Variants in BTD observed in about 807,000 individuals in gnomAD.
The protein encoded by BTD is biotinidase.
In BTD, 13 loss-of-function variants were observed where a neutral mutation model predicts 17.7. That is an observed-to-expected ratio of 0.74 (90% CI 0.48 to 1.17). BTD has a LOEUF of 1.17. Among genes scored for constraint, BTD ranks in the 50% most tolerant of loss-of-function variants. The pLI, the probability that BTD is intolerant of heterozygous loss-of-function variation, is 0.00. For synonymous variants in BTD, 240 were observed against 245.2 expected (o/e 0.98, Z 0.20); for missense variants, 674 against 650.4 (o/e 1.04, Z -0.39).
At chr3:15,603,351 C>A (rs571797538) in intron 1 of BTD, among the ~76,000 whole-genome samples, 12 of 152,284 alleles carry the variant, frequency 7.9e-5, no homozygotes, top group Admixed American at 5.2e-4. Flanking sequence ...CGCCTATGAG[C>A]CTGTAAAATC....
intron 3 of BTD, among the ~76,000 whole-genome samples, chr3:15,678,046 A>G (rs895383086): frequency 2.0e-5 from 3 of 152,174 alleles, no homozygotes; most frequent in Admixed American, 6.6e-5. Flanking sequence ...GGGCAAACTA[A>G]AACATTGTAT....
In BTD at chr3:15,641,971, A is replaced by G. The variant is rs1452023440; in HGVS notation, c.313A>G (p.Ile105Val). The change falls in exon 3 of 4, where the codon ATT becomes GTT. Residue 105 changes from isoleucine to valine, a missense_variant. Physicochemically the swap from Ile to Val is conservative, Grantham distance 29. Transcript: ENST00000643237. ...IHGFNFTRTS[I>V]YPFLDFMPSP... ...TGGATTCAACTTTACAAGAACATCCATTTATCCATTTTTGGACTTCATGCC... is the reference window on the plus strand; with the variant it reads ...TGGATTCAACTTTACAAGAACATCCGTTTATCCATTTTTGGACTTCATGCC... 1 of 1,614,026 alleles carries G rather than the reference A, an allele frequency of 6.2e-7. No homozygotes were observed. Among genetic ancestry groups the G allele is most frequent in the Non-Finnish European group, 8.5e-7 (1 of 1,180,014 alleles).
At chr3:15,681,437 A>G (rs1012191437) in intron 3 of BTD, among the ~76,000 whole-genome samples, 17 of 152,194 alleles carry the variant, frequency 1.1e-4, no homozygotes, top group Admixed American at 1.1e-3. Flanking sequence ...AAATTTTCTT[A>G]CCCTAATTCC....
intron 1 of BTD, among the ~76,000 whole-genome samples, chr3:15,613,776 C>T (rs1030315704): frequency 2.0e-5 from 3 of 152,072 alleles, no homozygotes; most frequent in Non-Finnish European, 2.9e-5. Context: ...TTTTCCTCTA[C>T]TGTAGGAGGT....
intron 3 of BTD, among the ~76,000 whole-genome samples, chr3:15,685,620 T>C (rs2068019381): frequency 6.6e-6 from 1 of 152,152 alleles, no homozygotes; most frequent in African/African-American, 2.4e-5. Context: ...AAAATTCAGT[T>C]AAAGCAAGAA....
At chr3:15,714,788 T>C, downstream of BTD, 2 of 547,512 alleles carry the variant, frequency 3.7e-6, no homozygotes, top group Non-Finnish European at 6.0e-6. Flanking sequence ...CTGAGGCCTA[T>C]GGAGGTAAAA....
intron 3 of BTD, chr3:15,686,483 C>T (rs1375830618): frequency 1.6e-6 from 1 of 615,978 alleles, no homozygotes; most frequent in Non-Finnish European, 2.8e-6. Context: ...ACTGTTAAAG[C>T]TGGAATAAAT....
chr3:15,694,132 G>T (rs2069190396), intron 3 of BTD, among the ~76,000 whole-genome samples: 1 of 151,988 alleles, frequency 6.6e-6, no homozygotes, highest in South Asian at 2.1e-4. Flanking sequence ...GGATCTACTT[G>T]AAATTTAAGG....
At chr3:15,676,005 T>C in intron 3 of BTD, 2 of 1,606,458 alleles carry the variant, frequency 1.2e-6, no homozygotes, top group African/African-American at 1.3e-5. Flanking sequence ...GGAAAAAACA[T>C]GATACATGTA....
Position 15,699,079 on chromosome 3 carries a change from T to C in BTD, c.400-10981T>C, listed in dbSNP as rs1402885028. ...TGGAACAGAACAGAGGCCTCAGAAATAACACCACACATCTACAACCATCTG... is the reference window on the plus strand; with the variant it reads ...TGGAACAGAACAGAGGCCTCAGAAACAACACCACACATCTACAACCATCTG... On this transcript the variant is annotated intron_variant, in intron 3 of 3. Coordinates refer to the BTD transcript ENST00000672141. Among the ~76,000 whole-genome samples, 9 of 151,926 alleles carry C rather than the reference T, an allele frequency of 5.9e-5. No homozygotes were observed. The East Asian group carries it at 1.7e-3, about 29-fold the overall frequency.
intron 2 of BTD, among the ~76,000 whole-genome samples, chr3:15,636,204 C>A (rs2125457288): frequency 6.6e-6 from 1 of 152,322 alleles, no homozygotes; most frequent in East Asian, 1.9e-4. Flanking sequence ...CTCTCTGAGT[C>A]ATTCGAAGCT....
chr3:15,702,362 A>G (rs1375248115), intron 3 of BTD, among the ~76,000 whole-genome samples: 2 of 152,202 alleles, frequency 1.3e-5, no homozygotes, highest in African/African-American at 4.8e-5. Context: ...TGGGGGCAGA[A>G]GAGTCTGTAT....
intron 3 of BTD, among the ~76,000 whole-genome samples, chr3:15,643,575 T>A (rs1172827491): frequency 6.6e-6 from 1 of 152,092 alleles, no homozygotes; most frequent in Non-Finnish European, 1.5e-5. Context: ...GCTATTTCAT[T>A]GTTGTAATTT....
intron 3 of BTD, among the ~76,000 whole-genome samples, chr3:15,674,545 A>G (rs1159447184): frequency 6.6e-6 from 1 of 152,198 alleles, no homozygotes; most frequent in East Asian, 1.9e-4. Context: ...GGATGTGTCA[A>G]TTAGGCACGT....
At chr3:15,711,229 T>C (rs1218829475) in exon 4 of BTD, 1 of 1,612,788 alleles carries the variant, frequency 6.2e-7, no homozygotes, top group Non-Finnish European at 8.5e-7. Context: ...TGCAGCTGCA[T>C]GTAGACAAGT....
intron 3 of BTD, chr3:15,694,826 A>C: frequency 1.2e-6 from 2 of 1,612,140 alleles, no homozygotes; most frequent in Non-Finnish European, 1.7e-6. Flanking sequence ...GAAAAAGAAG[A>C]GGCATTTTAA....
downstream of BTD, chr3:15,714,792 G>T: frequency 2.0e-6 from 1 of 507,330 alleles, no homozygotes; most frequent in Non-Finnish European, 3.3e-6. Context: ...GGCCTATGGA[G>T]GTAAAACAGC....
At chr3:15,698,741 G>A (rs140711528) in intron 3 of BTD, among the ~76,000 whole-genome samples, 1 of 152,172 alleles carries the variant, frequency 6.6e-6, no homozygotes, top group East Asian at 1.9e-4. Flanking sequence ...AAATAAAAGA[G>A]GACATAAACA....
chr3:15,668,364 T>C (rs183805863), intron 3 of BTD: 27 of 152,450 alleles, frequency 1.8e-4, no homozygotes, highest in Admixed American at 5.9e-4. Context: ...GATTTTTTTT[T>C]TTTTCAAAAG....
Sources: gnomAD v4.1 joint callset for allele counts (sites outside exome capture counted in the v4.1 genomes callset) on GRCh38, gnomAD v4.1.1 for gene constraint, MANE v1.5 for transcripts, NCBI Gene and HGNC (gene_info 2026-07-23, HGNC 2026-07-21) for gene names.